Variants in FAM184A observed in about 807,000 individuals in gnomAD.
FAM184A encodes the protein protein FAM184A.
Under a neutral mutation model 143.8 loss-of-function variants are expected in FAM184A, and 99 were observed. That is an observed-to-expected ratio of 0.69 (90% CI 0.58 to 0.81). The LOEUF (loss-of-function observed/expected upper bound fraction) is 0.81, where lower values mean the gene tolerates loss of function less well. FAM184A is among the 40% of genes least tolerant of loss of function. The pLI is 0.00. For synonymous variants in FAM184A, 427 were observed against 446.4 expected, an observed-to-expected ratio of 0.96 and a Z score of 0.55; for missense variants, 1,217 against 1,310.5, an observed-to-expected ratio of 0.93 and a Z score of 1.10.
chr6:119,004,718 G>C (rs1245172693), intron 7 of FAM184A, among the ~76,000 whole-genome samples: 1 of 152,142 alleles, frequency 6.6e-6, no homozygotes, highest in Non-Finnish European at 1.5e-5. Context: ...TCTATATTTT[G>C]TCAGTTAAAA....
At chr6:119,026,823 T>A (rs1190641485) in intron 1 of FAM184A, among the ~76,000 whole-genome samples, 1 of 152,182 alleles carries the variant, frequency 6.6e-6, no homozygotes, top group African/African-American at 2.4e-5. Flanking sequence ...ACCCTAAAAT[T>A]TTTTTGTTTG....
chr6:119,080,611 C>T (rs1379380580), upstream of FAM184A, among the ~76,000 whole-genome samples: 1 of 152,232 alleles, frequency 6.6e-6, no homozygotes, highest in South Asian at 2.1e-4. Flanking sequence ...CCAAACTGTT[C>T]TGGGTTTCAG....
At chr6:118,974,372 AC>A (rs1783783031) in intron 14 of FAM184A, 55 bp downstream of exon 14, 1 of 1,502,480 alleles carries the variant, frequency 6.7e-7, no homozygotes, top group Admixed American at 2.0e-5. Flanking sequence ...GAGGTTAAAC[AC>A]AGTGCTCCTA....
In FAM184A at chr6:118,989,891, C is replaced by T. The variant is rs533471147; in HGVS notation, c.2089-9541G>A. ...GTCACCAGGCTGGAGTGCAGTGGCGCGATCTCAGCTCACTGCAACCAAAGC... is the reference window on the plus strand; with the variant it reads ...GTCACCAGGCTGGAGTGCAGTGGCGTGATCTCAGCTCACTGCAACCAAAGC... On this transcript the variant is annotated intron_variant, in intron 9 of 17. Coordinates refer to ENST00000338891, the MANE Select transcript of FAM184A (RefSeq NM_024581.6). 7.9e-5 allele frequency among the ~76,000 whole-genome samples: 12 copies of T among 151,826 alleles called. No individual in the cohort carries two copies. The South Asian group carries it at 2.1e-3, about 26-fold the overall frequency.
intron 1 of FAM184A, among the ~76,000 whole-genome samples, chr6:119,077,683 C>T (rs1218548845): frequency 3.9e-5 from 6 of 152,226 alleles, no homozygotes; most frequent in Admixed American, 3.3e-4. Flanking sequence ...TACCCTCCTA[C>T]ATTCCTCTGA....
intron 16 of FAM184A, chr6:118,963,655 A>C (rs1221376463): frequency 6.6e-6 from 1 of 152,146 alleles, no homozygotes; most frequent in Non-Finnish European, 1.5e-5. Context: ...ATTAGGCATG[A>C]CGTGAAACTT....
At chr6:119,138,318 T>G (rs1481600980) in intron 1 of FAM184A, among the ~76,000 whole-genome samples, 1 of 152,204 alleles carries the variant, frequency 6.6e-6, no homozygotes, top group African/African-American at 2.4e-5. Context: ...TATAACAAAT[T>G]ACCGCAAACT....
intron 11 of FAM184A, among the ~76,000 whole-genome samples, chr6:118,978,522 G>A (rs1163817810): frequency 1.3e-5 from 2 of 152,142 alleles, no homozygotes; most frequent in Non-Finnish European, 2.9e-5. Flanking sequence ...TTTGACAAAT[G>A]TCTAAATTTA....
chr6:119,004,456 A>C (rs1401424865), intron 7 of FAM184A, among the ~76,000 whole-genome samples: 1 of 152,270 alleles, frequency 6.6e-6, no homozygotes, highest in Non-Finnish European at 1.5e-5. Context: ...GCTACTAAGC[A>C]GTAAGTATTG....
intron 1 of FAM184A, among the ~76,000 whole-genome samples, chr6:119,126,098 G>T (rs1418143772): frequency 6.6e-6 from 1 of 152,164 alleles, no homozygotes; most frequent in Admixed American, 6.5e-5. Flanking sequence ...GAGGCTTGGG[G>T]TCATCCAAAG....
intron 1 of FAM184A, among the ~76,000 whole-genome samples, chr6:119,146,596 T>A (rs1026520763): frequency 6.6e-6 from 1 of 152,056 alleles, no homozygotes; most frequent in Admixed American, 6.6e-5. Context: ...ATGCCTAGCT[T>A]AAATCACCCA....
At chr6:119,091,187 A>C (rs984457851) in intron 1 of FAM184A, among the ~76,000 whole-genome samples, 1 of 152,170 alleles carries the variant, frequency 6.6e-6, no homozygotes, top group Non-Finnish European at 1.5e-5. Context: ...CCACCAGTAA[A>C]AATTTATAAA....
At position 119,078,205 on chromosome 6, in the gene FAM184A, T is replaced by C. The variant is rs976751055; in HGVS notation, c.95A>G (p.His32Arg). The part of the protein sequence containing the change: ...PSPATAQLAG[H>R]SMDYSQEMHL... Reference sequence around the variant, plus strand: ...CATCTCCTGGCTGTAGTCCATGCTGTGCCCAGCCAGCTGTGCGGTGGCCGG... The same window carrying C: ...CATCTCCTGGCTGTAGTCCATGCTGCGCCCAGCCAGCTGTGCGGTGGCCGG... The change falls in exon 1 of 18, where the codon CAC becomes CGC. Residue 32 changes from histidine to arginine, a missense_variant. His to Arg is a conservative substitution (Grantham distance 29). Coordinates refer to ENST00000338891, the MANE Select transcript of FAM184A (RefSeq NM_024581.6). The surrounding 1 kb of genome is among the most constrained non-coding windows in gnomAD (Gnocchi z 5.5). 2.5e-6 allele frequency: 4 copies of C among 1,573,372 alleles called. No individual in the cohort carries two copies. The highest frequency in any genetic ancestry group is 3.4e-6 in the Non-Finnish European group (4 of 1,162,354).
intron 14 of FAM184A, among the ~76,000 whole-genome samples, chr6:118,967,693 A>C (rs1783544274): frequency 6.6e-6 from 1 of 152,180 alleles, no homozygotes; most frequent in Admixed American, 6.6e-5. Flanking sequence ...AAGAGAATAC[A>C]AATGGAAACT....
chr6:119,027,762 G>A (rs753964470), intron 1 of FAM184A, among the ~76,000 whole-genome samples: 48 of 152,250 alleles, frequency 3.2e-4, no homozygotes, highest in African/African-American at 1.2e-3. Context: ...CCACTGAATG[G>A]ATCTGCTGGC....
At chr6:119,097,076 T>C (rs1247825745) in intron 1 of FAM184A, among the ~76,000 whole-genome samples, 1 of 152,158 alleles carries the variant, frequency 6.6e-6, no homozygotes, top group Non-Finnish European at 1.5e-5. Context: ...AGTCCAGATT[T>C]AGAAAAATCC....
At chr6:119,115,164 A>G (rs955448652) in intron 1 of FAM184A, among the ~76,000 whole-genome samples, 5 of 152,222 alleles carry the variant, frequency 3.3e-5, no homozygotes, top group Admixed American at 6.5e-5. Flanking sequence ...TCCATCAACC[A>G]TATTTAAACT....
At chr6:119,085,586 A>G (rs1396099374) in intron 1 of FAM184A, among the ~76,000 whole-genome samples, 1 of 152,046 alleles carries the variant, frequency 6.6e-6, no homozygotes, top group Non-Finnish European at 1.5e-5. Flanking sequence ...CACTCTTCCA[A>G]TCTCTGACAG....
At chr6:118,991,575 T>TG (rs2114611889) in intron 9 of FAM184A, among the ~76,000 whole-genome samples, 1 of 151,578 alleles carries the variant, frequency 6.6e-6, no homozygotes, top group East Asian at 1.9e-4. Context: ...CCCCTGAAGG[T>TG]GAAAGCAAGC....
Sources: allele counts gnomAD v4.1 joint callset (sites outside exome capture counted in the v4.1 genomes callset), GRCh38; gene constraint gnomAD v4.1.1; non-coding constraint Gnocchi (gnomAD v3.1); transcripts MANE v1.5; gene names NCBI Gene and HGNC (gene_info 2026-07-23, HGNC 2026-07-21).